RALYL: variants seen among roughly 807,000 people sequenced by gnomAD.
RALYL encodes the protein RALY RNA binding protein like.
RALYL carries 29 observed loss-of-function variants against 35.1 expected under a neutral mutation model. The ratio of observed to expected loss-of-function variants is 0.83; its 90% CI spans 0.61 to 1.13. The LOEUF (loss-of-function observed/expected upper bound fraction) is 1.13. Among genes scored for constraint, RALYL ranks in the 50% most tolerant of loss-of-function variants. The probability of loss-of-function intolerance (pLI) is 0.00; values close to 1 mark genes in which losing one functional copy is unlikely to be tolerated. For missense variants in RALYL, 359 were observed against 360.4 expected (o/e 1.00, Z 0.03); for synonymous variants, 120 against 127.6 (o/e 0.94, Z 0.40).
At chr8:84,777,593 T>G (rs1586173710) in intron 3 of RALYL, among the ~76,000 whole-genome samples, 1 of 151,942 alleles carries the variant, frequency 6.6e-6, no homozygotes, top group African/African-American at 2.4e-5. Flanking sequence ...AAAGGGATGG[T>G]TTTTGCTTTC....
intron 1 of RALYL, among the ~76,000 whole-genome samples, chr8:84,268,281 C>T (rs746680861): frequency 2.6e-5 from 4 of 152,046 alleles, no homozygotes; most frequent in African/African-American, 4.8e-5. Context: ...GACAACATTC[C>T]GTATATTTAT....
chr8:84,426,807 G>A (rs565310877), intron 1 of RALYL, among the ~76,000 whole-genome samples: 3 of 152,234 alleles, frequency 2.0e-5, no homozygotes, highest in South Asian at 2.1e-4. Flanking sequence ...CAAAAGATAA[G>A]GAATGTTGAA....
At chr8:84,589,000 C>A (rs974181719) in intron 2 of RALYL, among the ~76,000 whole-genome samples, 2 of 152,094 alleles carry the variant, frequency 1.3e-5, no homozygotes, top group African/African-American at 2.4e-5. Context: ...TGGGTTCTAG[C>A]GATTCTCCTG....
chr8:84,666,442 G>T (rs749876473), intron 2 of RALYL, among the ~76,000 whole-genome samples: 1 of 151,936 alleles, frequency 6.6e-6, no homozygotes, highest in Non-Finnish European at 1.5e-5. Flanking sequence ...GTATAACAAA[G>T]AACTCTGTAC....
chr8:84,539,799 G>A (rs867901723), intron 2 of RALYL, among the ~76,000 whole-genome samples: 6 of 145,218 alleles, frequency 4.1e-5, no homozygotes, highest in Middle Eastern at 3.6e-3. Flanking sequence ...GCCCTGAAAT[G>A]TCTCTCTGAA....
Position 84,696,875 on chromosome 8 carries a change from T to G in RALYL, c.257-77704T>G, listed in dbSNP as rs993703248. Among the ~76,000 whole-genome samples, 4 of 152,118 alleles carry G rather than the reference T, an allele frequency of 2.6e-5. No homozygotes were observed. The East Asian group carries it at 7.7e-4, about 29-fold the overall frequency. On this transcript the variant is annotated intron_variant, in intron 2 of 8. Transcript: ENST00000521268. The stretch of plus-strand genomic sequence containing the variant: ...AACACATATAAGAGGTCAAAGAATA[T>G]CCAGGTGGTTCTGAGCCCTTTAGCA...
chr8:84,490,078 CATGT>C (rs1331152953), intron 1 of RALYL, among the ~76,000 whole-genome samples: 1,430 of 91,910 alleles, frequency 0.016, 20 homozygotes, highest in African/African-American at 0.045. Flanking sequence ...TGCTTGCGTG[CATGT>C]GTGTGTGTGT....
intron 1 of RALYL, among the ~76,000 whole-genome samples, chr8:84,228,823 G>A (rs1824614489): frequency 6.6e-6 from 1 of 152,142 alleles, no homozygotes; most frequent in Non-Finnish European, 1.5e-5. Context: ...GCTGAGTGAA[G>A]GGGGAAGCCC....
intron 2 of RALYL, among the ~76,000 whole-genome samples, chr8:84,726,754 G>T (rs1281530067): frequency 6.6e-6 from 1 of 151,926 alleles, no homozygotes; most frequent in Non-Finnish European, 1.5e-5. Flanking sequence ...AGTATTCTCA[G>T]ATTTTAAATG....
At chr8:84,220,056 C>T (rs1471231636) in intron 1 of RALYL, among the ~76,000 whole-genome samples, 1 of 151,948 alleles carries the variant, frequency 6.6e-6, no homozygotes, top group Non-Finnish European at 1.5e-5. Flanking sequence ...TACTAGGGTA[C>T]TCAGCAAAGT....
intron 1 of RALYL, among the ~76,000 whole-genome samples, chr8:84,367,139 CTTTTTTTT>C (rs577327966): frequency 1.2e-4 from 17 of 136,836 alleles, no homozygotes; most frequent in Admixed American, 1.2e-3. Context: ...TTTCTTTTTT[CTTTTTTTT>C]TTTTTTGAGA....
At chr8:84,786,980 A>AATTTTCT (rs1256145677) in intron 3 of RALYL, among the ~76,000 whole-genome samples, 3 of 152,194 alleles carry the variant, frequency 2.0e-5, no homozygotes, top group African/African-American at 7.2e-5. Flanking sequence ...TTTTCTTTGT[A>AATTTTCT]TGGTGGGAAT....
chr8:84,460,920 A>G (rs945263961), intron 1 of RALYL, among the ~76,000 whole-genome samples: 4 of 151,752 alleles, frequency 2.6e-5, no homozygotes, highest in African/African-American at 9.6e-5. Flanking sequence ...ATTACACAAG[A>G]ATATACCTAT....
chr8:84,684,658 T>C (rs1460890922), intron 2 of RALYL, among the ~76,000 whole-genome samples: 1 of 152,172 alleles, frequency 6.6e-6, no homozygotes, highest in African/African-American at 2.4e-5. Context: ...GCTGGAAAGG[T>C]ATGCAGAATT....
intron 8 of RALYL, among the ~76,000 whole-genome samples, chr8:84,902,576 G>A (rs141719376): frequency 3.3e-5 from 5 of 152,286 alleles, no homozygotes; most frequent in African/African-American, 7.2e-5. Flanking sequence ...GAAGGACACA[G>A]ATTCACCAGG....
chr8:84,433,814 C>CGTGT (rs1194033007), intron 1 of RALYL, among the ~76,000 whole-genome samples: 3 of 62,568 alleles, frequency 4.8e-5, no homozygotes, highest in African/African-American at 1.4e-4. Context: ...TGTATGTGTG[C>CGTGT]GTGTGTGTGT....
intron 2 of RALYL, among the ~76,000 whole-genome samples, chr8:84,577,253 A>T (rs1436090331): frequency 6.6e-6 from 1 of 152,238 alleles, no homozygotes; most frequent in Non-Finnish European, 1.5e-5. Flanking sequence ...TGCAAGGTAC[A>T]TTCACAAAGT....
intron 1 of RALYL, among the ~76,000 whole-genome samples, chr8:84,512,828 A>G (rs2057735325): frequency 6.6e-6 from 1 of 152,128 alleles, no homozygotes; most frequent in African/African-American, 2.4e-5. Context: ...TTGAAAGTCA[A>G]TTGGCTATAA....
At chr8:84,701,291 T>C (rs1347973833) in intron 2 of RALYL, among the ~76,000 whole-genome samples, 2 of 152,210 alleles carry the variant, frequency 1.3e-5, no homozygotes, top group Non-Finnish European at 2.9e-5. Flanking sequence ...TACCTCATCT[T>C]CCTTCAGTTA....
Sources: allele counts gnomAD v4.1 joint callset (sites outside exome capture counted in the v4.1 genomes callset), GRCh38; gene constraint gnomAD v4.1.1; transcripts MANE v1.5; gene names NCBI Gene and HGNC (gene_info 2026-07-23, HGNC 2026-07-21).